The following DOCK8 variants were observed in gnomAD, a reference collection of about 807,000 sequenced individuals.
The protein encoded by DOCK8 is dedicator of cytokinesis 8.
Under a neutral mutation model 245.6 loss-of-function variants are expected in DOCK8, and 141 were observed. The ratio of observed to expected loss-of-function variants is 0.57; its 90% CI spans 0.50 to 0.66. The LOEUF (loss-of-function observed/expected upper bound fraction) is 0.66. Among genes scored for constraint, DOCK8 ranks in the 30% least tolerant of loss-of-function variants. The probability of loss-of-function intolerance (pLI) is 0.00; values close to 1 mark genes in which losing one functional copy is unlikely to be tolerated. For missense variants in DOCK8, 2,965 were observed against 2,603.4 expected, an observed-to-expected ratio of 1.14 and a Z score of -3.02; for synonymous variants, 1,168 against 970.2, an observed-to-expected ratio of 1.20 and a Z score of -3.79.
chr9:302,169 A>AAT (rs2049584416), intron 4 of DOCK8, among the ~76,000 whole-genome samples: 19 of 152,194 alleles, frequency 1.2e-4, no homozygotes, highest in Admixed American at 1.2e-3. Flanking sequence ...CCAATAGAAC[A>AAT]AGATAAAGAA....
intron 9 of DOCK8, among the ~76,000 whole-genome samples, chr9:332,007 C>T (rs1345288865): frequency 1.3e-5 from 2 of 152,202 alleles, no homozygotes; most frequent in African/African-American, 4.8e-5. Flanking sequence ...CCACTTCCTA[C>T]GTATGTCTCC....
At chr9:291,216 CT>C (rs2049023936) in intron 4 of DOCK8, among the ~76,000 whole-genome samples, 1 of 152,102 alleles carries the variant, frequency 6.6e-6, no homozygotes, top group Non-Finnish European at 1.5e-5. Context: ...CTATTTCGGG[CT>C]TGTCCACTTT....
intron 4 of DOCK8, among the ~76,000 whole-genome samples, chr9:301,003 A>G (rs55956941): frequency 0.032 from 4,831 of 152,352 alleles, 136 homozygotes; most frequent in African/African-American, 0.07. Flanking sequence ...CAAAGCCAGC[A>G]TCATTCTGAT....
intron 5 of DOCK8, among the ~76,000 whole-genome samples, chr9:309,762 A>G (rs921566513): frequency 6.6e-6 from 1 of 152,220 alleles, no homozygotes; most frequent in Non-Finnish European, 1.5e-5. Flanking sequence ...TTGGAAGCAT[A>G]ACATTCAGCT....
intron 28 of DOCK8, among the ~76,000 whole-genome samples, chr9:414,534 G>A (rs907552842): frequency 1.1e-4 from 16 of 151,320 alleles, no homozygotes; most frequent in Admixed American, 3.3e-4. Context: ...GTATTGCTTG[G>A]TTTTCCAGGG....
chr9:306,271 C>T lies in DOCK8; in HGVS notation c.528+1567C>T, dbSNP rs532144352. Among the ~76,000 whole-genome samples the T allele has an allele frequency of 5.3e-5, 8 of 152,270 alleles. No homozygotes were observed. In the South Asian group the frequency reaches 1.7e-3, roughly 32 times the overall value. The stretch of plus-strand genomic sequence containing the variant: ...CCCCTAAAGCAAAGCCCACTACTTA[C>T]TTGGAGCTTCACAGTAGAATCAGCC... On this transcript the variant is annotated intron_variant, in intron 5 of 47. Coordinates refer to ENST00000432829, the MANE Select transcript of DOCK8 (RefSeq NM_203447.4).
chr9:286,653 A>C lies in DOCK8; in HGVS notation c.332+17A>C, dbSNP rs1362271365. 1 of 1,612,908 alleles carries C rather than the reference A, an allele frequency of 6.2e-7. No individual in the cohort carries two copies. The highest frequency in any genetic ancestry group is 1.7e-5 in the Admixed American group (1 of 60,000). Reference sequence around the variant, plus strand: ...GGAGGAAGGGTAAATAGTTTTCTAAAATGTAGATGTGATTGGGATTGTCAT... The same window carrying C: ...GGAGGAAGGGTAAATAGTTTTCTAACATGTAGATGTGATTGGGATTGTCAT... On this transcript the variant is annotated intron_variant, in intron 3 of 47. Transcript: ENST00000432829.
intron 4 of DOCK8, among the ~76,000 whole-genome samples, chr9:291,056 TAATA>T (rs1169065042): frequency 1.3e-5 from 2 of 152,210 alleles, no homozygotes; most frequent in Admixed American, 6.5e-5. Context: ...GGTTTGCTGA[TAATA>T]AATAAAAGAT....
rs1194341871 is a variant in DOCK8, at chr9:438,722, A to G, written c.5080-523A>G. On this transcript the variant is annotated intron_variant, in intron 39 of 47. Coordinates refer to ENST00000432829, the MANE Select transcript of DOCK8 (RefSeq NM_203447.4). ...AACAAAATGTTCAGGAAGAACAAAA[A>G]CACACACACAGTAACTGCTGCAATG... is the stretch of plus-strand genomic sequence containing the variant. Among the ~76,000 whole-genome samples the G allele has an allele frequency of 2.0e-5, 3 of 152,320 alleles. No homozygotes were observed. The East Asian group carries it at 5.8e-4, about 29-fold the overall frequency.
intron 26 of DOCK8, 66 bp from the exon 27 acceptor site, chr9:404,852 C>G: frequency 3.8e-6 from 6 of 1,574,576 alleles, no homozygotes; most frequent in Non-Finnish European, 5.2e-6. Flanking sequence ...ATTTTTGTGT[C>G]TGCCAACCTC....
intron 14 of DOCK8, among the ~76,000 whole-genome samples, chr9:364,557 C>G (rs183207558): frequency 1.4e-4 from 21 of 150,400 alleles, no homozygotes; most frequent in Admixed American, 1.3e-3. Flanking sequence ...TCACTGGAGC[C>G]CAGGAGGTCA....
intron 6 of DOCK8, chr9:312,591 C>G (rs927594129): frequency 2.7e-6 from 1 of 367,090 alleles, no homozygotes; most frequent in Non-Finnish European, 5.3e-6. Flanking sequence ...TTAATGGTCT[C>G]TATGAGCAAC....
At chr9:219,666 G>C (rs1035327984) in intron 1 of DOCK8, among the ~76,000 whole-genome samples, 2 of 152,122 alleles carry the variant, frequency 1.3e-5, no homozygotes, top group African/African-American at 4.8e-5. Flanking sequence ...GGAGGCCTAA[G>C]CTGGTAGATG....
In DOCK8 at chr9:295,693, T is replaced by C. The variant is rs551824654; in HGVS notation, c.404+6112T>C. On this transcript the variant is annotated intron_variant, in intron 4 of 47. Transcript: ENST00000432829. ...CTGATTTAGTTAGCTCCTTTATTTC[T>C]CAGTTATCTCCTGCTGATATTACAT... 5.9e-5 allele frequency among the ~76,000 whole-genome samples: 9 copies of C among 152,330 alleles called. No homozygotes were observed. In the East Asian group the frequency reaches 1.7e-3, roughly 29 times the overall value.
At chr9:358,163 C>G (rs1012233240) in intron 14 of DOCK8, among the ~76,000 whole-genome samples, 1 of 152,122 alleles carries the variant, frequency 6.6e-6, no homozygotes, top group South Asian at 2.1e-4. Context: ...TAGCTCACTG[C>G]AGCCTTGAAC....
At chr9:399,940 T>G (rs1404037911) in intron 26 of DOCK8, among the ~76,000 whole-genome samples, 1 of 150,382 alleles carries the variant, frequency 6.6e-6, no homozygotes, top group Middle Eastern at 3.2e-3. Flanking sequence ...ACCACCATTC[T>G]CATTAGTCCC....
intron 46 of DOCK8, chr9:456,148 C>G (rs1253329917): frequency 6.6e-6 from 1 of 152,238 alleles, no homozygotes; most frequent in Non-Finnish European, 1.5e-5. Flanking sequence ...ATTACTAAAA[C>G]TCATCAAACT....
intron 1 of DOCK8, among the ~76,000 whole-genome samples, chr9:239,627 A>G (rs1023855274): frequency 1.3e-5 from 2 of 152,224 alleles, no homozygotes; most frequent in African/African-American, 4.8e-5. Context: ...TCTTATTACA[A>G]AAGCTGTATA....
chr9:316,018 A>G (rs1336114992), intron 6 of DOCK8, among the ~76,000 whole-genome samples: 1 of 152,194 alleles, frequency 6.6e-6, no homozygotes, highest in East Asian at 1.9e-4. Flanking sequence ...AACATGGCCA[A>G]CCGCCGTAAC....
Sources: allele counts gnomAD v4.1 joint callset (sites outside exome capture counted in the v4.1 genomes callset), GRCh38; gene constraint gnomAD v4.1.1; transcripts MANE v1.5; gene names NCBI Gene and HGNC (gene_info 2026-07-23, HGNC 2026-07-21).